Variants in AR observed in about 807,000 individuals in gnomAD.
The protein encoded by AR is androgen receptor.
A neutral mutation model predicts 53.9 loss-of-function variants in AR; 8 were observed. The ratio of observed to expected loss-of-function variants is 0.15; its 90% CI spans 0.09 to 0.27. AR has a LOEUF of 0.27. AR is among the 10% of genes least tolerant of loss of function. The pLI, the probability that AR is intolerant of heterozygous loss-of-function variation, is 1.00. For missense variants in AR, 639 were observed against 742.5 expected (o/e 0.86, Z 1.62); for synonymous variants, 359 against 316.4 (o/e 1.13, Z -1.43).
At chrX:67,596,348 C>T (rs1023418307) in intron 1 of AR, among the ~76,000 whole-genome samples, 5 of 109,968 alleles carry the variant, frequency 4.5e-5, no homozygotes, top group Non-Finnish European at 9.5e-5. Flanking sequence ...CTTGGTGACT[C>T]CACTTCTTTT....
At position 67,726,250 on chromosome X, in the gene AR, C is replaced by G. The variant is rs1169663728; in HGVS notation, c.*2409C>G. On this transcript the variant is annotated 3_prime_UTR_variant, in exon 8 of 8. Transcript: ENST00000374690. ...CTTTTTGGGGTGGGATAGACATGTT[C>G]TGGTTTTCTTTATTATTACACAATC... 5.8e-6 allele frequency: 1 copy of G among 173,470 alleles called. No individual in the cohort carries two copies. Among genetic ancestry groups the G allele is most frequent in the Non-Finnish European group, 1.1e-5 (1 of 91,078 alleles). 14.3% of individuals were successfully genotyped at this position (173,470 alleles called of 1,213,427 possible).
chrX:67,662,336 T>C lies in AR; in HGVS notation c.1768+18929T>C, dbSNP rs1213076981. ...TTTCTCTTGTGGGCATTTAGTGCTA[T>C]AAATTTCCCTCTCCACACTGCTTTG... On this transcript the variant is annotated intron_variant, in intron 2 of 7. Coordinates refer to ENST00000374690, the MANE Select transcript of AR (RefSeq NM_000044.6). 4.5e-4 allele frequency among the ~76,000 whole-genome samples: 50 copies of C among 111,139 alleles called. 1 individual carries two copies. Among genetic ancestry groups the C allele is most frequent in the African/African-American group, 1.5e-3 (47 of 30,515 alleles).
chrX:67,563,841 C>T (rs1451203525), intron 1 of AR, among the ~76,000 whole-genome samples: 3 of 112,090 alleles, frequency 2.7e-5, no homozygotes, highest in Non-Finnish European at 3.8e-5. Flanking sequence ...CCACAAGGAA[C>T]AGAATGACTC....
At chrX:67,566,250 C>A (rs1465498274) in intron 1 of AR, among the ~76,000 whole-genome samples, 1 of 111,233 alleles carries the variant, frequency 9.0e-6, no homozygotes, top group Non-Finnish European at 1.9e-5. Context: ...TCTATCAAAC[C>A]CTGTGCTGGA....
chrX:67,697,408 T>G (rs1452847783), intron 3 of AR, among the ~76,000 whole-genome samples: 2 of 111,461 alleles, frequency 1.8e-5, no homozygotes, highest in South Asian at 3.8e-4. Flanking sequence ...TCTAAGCATC[T>G]TACACACATA....
intron 1 of AR, among the ~76,000 whole-genome samples, chrX:67,629,542 G>T (rs1324588089): frequency 9.3e-6 from 1 of 107,923 alleles, no homozygotes. Context: ...TTCTTTATTA[G>T]TCTTGCTAGC....
At chrX:67,722,464 G>A (rs2076139914) in intron 6 of AR, among the ~76,000 whole-genome samples, 1 of 112,090 alleles carries the variant, frequency 8.9e-6, no homozygotes, top group Non-Finnish European at 1.9e-5. Flanking sequence ...CCCCTACGGA[G>A]GGAGAAGGGC....
At chrX:67,595,376 T>C (rs1343550691) in intron 1 of AR, among the ~76,000 whole-genome samples, 1 of 111,123 alleles carries the variant, frequency 9.0e-6, no homozygotes, top group African/African-American at 3.3e-5. Flanking sequence ...AAAAAAAACT[T>C]TTTAGAAAGA....
In AR at chrX:67,730,614, A is replaced by T. The variant is rs756637938; in HGVS notation, c.*6773A>T. On this transcript the variant is annotated 3_prime_UTR_variant, in exon 8 of 8. Transcript: ENST00000374690. ...TTGTTAAAACATAAAGAAATCTAAA[A>T]TTTCAGATGAATGTCATCAGAGTTC... The T allele has an allele frequency of 2.5e-5, 4 of 163,239 alleles. No individual in the cohort carries two copies. Among genetic ancestry groups the T allele is most frequent in the Non-Finnish European group, 4.7e-5 (4 of 84,357 alleles). 13.5% of individuals were successfully genotyped at this position (163,239 alleles called of 1,213,427 possible). A position where few individuals can be genotyped will look rare whatever the true frequency, so the allele number is the denominator to read the frequency against.
Position 67,574,120 on chromosome X carries a change from A to C in AR, c.1616+27358A>C, listed in dbSNP as rs1921943713. On this transcript the variant is annotated intron_variant, in intron 1 of 7. Coordinates refer to ENST00000374690, the MANE Select transcript of AR (RefSeq NM_000044.6). Reference sequence around the variant, plus strand: ...TTAAGGCCCTTGCCAGCACATTAGTACATAGGATTCTTGCAAGTGGTGGTT... The same window carrying C: ...TTAAGGCCCTTGCCAGCACATTAGTCCATAGGATTCTTGCAAGTGGTGGTT... 3.6e-5 allele frequency among the ~76,000 whole-genome samples: 4 copies of C among 112,089 alleles called. No individual in the cohort carries two copies. The South Asian group carries it at 1.5e-3, about 41-fold the overall frequency.
chrX:67,626,971 T>A (rs1306037388), intron 1 of AR, among the ~76,000 whole-genome samples: 2 of 105,569 alleles, frequency 1.9e-5, no homozygotes, highest in Non-Finnish European at 3.9e-5. Context: ...CATCCTTTTT[T>A]ATGGCTGCAT....
At chrX:67,709,423 G>A (rs754822824) in intron 3 of AR, among the ~76,000 whole-genome samples, 49 of 112,520 alleles carry the variant, frequency 4.4e-4, no homozygotes, top group Non-Finnish European at 8.8e-4. Context: ...CTCCATGGGC[G>A]TGGGACCCTC....
Position 67,661,897 on chromosome X carries a change from A to C in AR, c.1768+18490A>C, listed in dbSNP as rs1161606285. The stretch of plus-strand genomic sequence containing the variant: ...TGTTATTGGTCTATTCAGAGATTCA[A>C]CTTCTTCCTGGTTTAGTCTTGGGAT... On this transcript the variant is annotated intron_variant, in intron 2 of 7. Coordinates refer to ENST00000374690, the MANE Select transcript of AR (RefSeq NM_000044.6). Among the ~76,000 whole-genome samples, 2 of 111,227 alleles carry C rather than the reference A, an allele frequency of 1.8e-5. 1 individual carries two copies. Among genetic ancestry groups the C allele is most frequent in the African/African-American group, 6.5e-5 (2 of 30,551 alleles).
rs911353011 is a variant in AR at position 67,729,571 on chromosome X, G to A, written c.*5730G>A. ...TGGCTTCTGATTCCAATTCAGTATA[G>A]CAAGGTGCTAGGTTTTTTCCTTTCC... On this transcript the variant is annotated 3_prime_UTR_variant, in exon 8 of 8. Transcript: ENST00000374690. 44 of 172,780 alleles carry A rather than the reference G, an allele frequency of 2.5e-4. No individual in the cohort carries two copies. Among genetic ancestry groups the A allele is most frequent in the Non-Finnish European group, 3.1e-4 (28 of 90,792 alleles). 14.2% of individuals were successfully genotyped at this position (172,780 alleles called of 1,213,427 possible).
At chrX:67,708,900 G>A (rs1232449375) in intron 3 of AR, among the ~76,000 whole-genome samples, 1 of 112,133 alleles carries the variant, frequency 8.9e-6, no homozygotes, top group Non-Finnish European at 1.9e-5. Flanking sequence ...GTTTGCTGGA[G>A]GTCCACTCTA....
chrX:67,616,538 T>C (rs187577820), intron 1 of AR, among the ~76,000 whole-genome samples: 312 of 111,521 alleles, frequency 2.8e-3, no homozygotes, highest in South Asian at 6.9e-3. Context: ...TCATCCTTTT[T>C]ATGGCTGCAT....
Position 67,546,338 on chromosome X carries a change from G to T in AR, c.1192G>T (p.Ala398Ser). Residue 398 changes from alanine (A) to serine (S), a missense_variant, in exon 1 of 8, where the codon GCC becomes TCC. Ala to Ser is a moderately conservative substitution (Grantham distance 99, BLOSUM62 1). This residue lies in a region of AR where 423 missense variants were observed against 377.0 expected (regional missense o/e 1.12). Transcript: ENST00000374690. Reference protein sequence around the residue: ...KLENPLDYGSAWAAAAAQCRY... With the variant: ...KLENPLDYGSSWAAAAAQCRY... ...GGAGAACCCGCTGGACTACGGCAGC[G>T]CCTGGGCGGCTGCGGCGGCGCAGTG... The T allele has an allele frequency of 1.7e-6, 2 of 1,191,687 alleles. No individual in the cohort carries two copies. The highest frequency in any genetic ancestry group is 3.7e-5 in the South Asian group (2 of 54,742).
At chrX:67,632,940 T>A (rs1925240970) in intron 1 of AR, among the ~76,000 whole-genome samples, 1 of 111,648 alleles carries the variant, frequency 9.0e-6, no homozygotes, top group South Asian at 3.7e-4. Flanking sequence ...ATTAGGGAAA[T>A]GCAGATCAAA....
Position 67,546,464 on chromosome X carries a change from A to C in AR, c.1318A>C (p.Thr440Pro). Residue 440 changes from threonine to proline, a missense_variant, in exon 1 of 8, where the codon ACA (threonine) becomes CCA (proline). This residue lies in a region of AR where 423 missense variants were observed against 377.0 expected (regional missense o/e 1.12). Coordinates refer to ENST00000374690, the MANE Select transcript of AR (RefSeq NM_000044.6). ...AASSSWHTLFTAEEGQLYGPC... is the reference protein window; with the variant it reads ...AASSSWHTLFPAEEGQLYGPC... ...TTCCTCATCCTGGCACACTCTCTTCACAGCCGAAGAAGGCCAGTTGTATGG... is the reference window on the plus strand; with the variant it reads ...TTCCTCATCCTGGCACACTCTCTTCCCAGCCGAAGAAGGCCAGTTGTATGG... 1 of 1,165,564 alleles carries C rather than the reference A, an allele frequency of 8.6e-7. No homozygotes were observed. Among genetic ancestry groups the C allele is most frequent in the Non-Finnish European group, 1.1e-6 (1 of 872,581 alleles).
Sources: gnomAD v4.1 joint callset for allele counts (sites outside exome capture counted in the v4.1 genomes callset) on GRCh38, gnomAD v4.1.1 for gene constraint, gnomAD v4.1.1 regional missense constraint, MANE v1.5 for transcripts, NCBI Gene and HGNC (gene_info 2026-07-23, HGNC 2026-07-21) for gene names.